PRPF31: variants seen among roughly 807,000 people sequenced by gnomAD.
PRPF31 encodes the protein U4/U6 small nuclear ribonucleoprotein Prp31.
PRPF31 carries 12 observed loss-of-function variants against 60.4 expected under a neutral mutation model. The observed-to-expected ratio is 0.20, with a 90% CI of 0.13 to 0.32. The LOEUF is 0.32. Ranked by LOEUF, PRPF31 falls within the 10% of genes least tolerant of loss-of-function variation. The pLI, the probability that PRPF31 is intolerant of heterozygous loss-of-function variation, is 1.00. For synonymous variants in PRPF31, 287 were observed against 287.9 expected (o/e 1.00, Z 0.03); for missense variants, 431 against 687.1 (o/e 0.63, Z 4.17).
At chr19:54,124,761 A>C in intron 8 of PRPF31, 105 bp downstream of exon 8, 1 of 1,352,308 alleles carries the variant, frequency 7.4e-7, no homozygotes, top group South Asian at 1.2e-5. Context: ...TGACGGTAGC[A>C]CTCAGGAGCT....
At chr19:54,130,123 C>G (rs1191056660) in intron 13 of PRPF31, among the ~76,000 whole-genome samples, 2 of 85,884 alleles carry the variant, frequency 2.3e-5, no homozygotes, top group Admixed American at 2.7e-4. Context: ...AATGCCAGGC[C>G]GGGCGCAGAC....
Position 54,118,276 on chromosome 19 carries a change from G to C in PRPF31, c.-3G>C, listed in dbSNP as rs368185553. 10 of 1,612,748 alleles carry C rather than the reference G, an allele frequency of 6.2e-6. No homozygotes were observed. The highest frequency in any genetic ancestry group is 8.5e-6 in the Non-Finnish European group (10 of 1,179,954). ...ACGCTGCTGTCCCTCCCCAGGCCTC[G>C]GGATGTCTCTGGCAGATGAGCTCTT... On this transcript the variant is annotated 5_prime_UTR_variant, in exon 2 of 14. Transcript: ENST00000321030.
intron 3 of PRPF31, chr19:54,120,294 T>C (rs1312424130): frequency 6.6e-6 from 1 of 151,958 alleles, no homozygotes; most frequent in Non-Finnish European, 1.5e-5. Flanking sequence ...GGCTCAGGGA[T>C]GGAGTCAGAC....
chr19:54,123,668 AC>A, intron 6 of PRPF31, 80 bp from the exon 7 acceptor site: 1 of 1,595,176 alleles, frequency 6.3e-7, no homozygotes, highest in Non-Finnish European at 8.5e-7. Context: ...ATGCACACAC[AC>A]ACACAGAACC....
chr19:54,127,613 CAG>C (rs1485131084), intron 9 of PRPF31, among the ~76,000 whole-genome samples: 2 of 152,188 alleles, frequency 1.3e-5, no homozygotes, highest in African/African-American at 4.8e-5. Context: ...CCCGCTGCAA[CAG>C]GGGATGTTAT....
At chr19:54,127,306 C>T (rs1462562729) in intron 9 of PRPF31, among the ~76,000 whole-genome samples, 1 of 152,084 alleles carries the variant, frequency 6.6e-6, no homozygotes, top group Admixed American at 6.5e-5. Flanking sequence ...TAGCTCGTGG[C>T]CCTCCCTCTG....
rs1196306452 is a variant in PRPF31 at position 54,129,349 on chromosome 19, C to T, written c.1353C>T (p.Ser451=). 1.0e-5 allele frequency: 16 copies of T among 1,600,166 alleles called. No individual in the cohort carries two copies. The highest frequency in any genetic ancestry group is 1.3e-5 in the African/African-American group (1 of 74,270). The change falls in exon 13 of 14, where the codon AGC becomes AGT. Residue 451 remains serine, a synonymous_variant. Coordinates refer to ENST00000321030, the MANE Select transcript of PRPF31 (RefSeq NM_015629.4). The stretch of plus-strand genomic sequence containing the variant: ...ACCGCTCCTCGGGCACGGCCTCCAG[C>T]GTGGCCTTCACCCCACTCCAGGTAC... ...IRDRSSGTAS[S]VAFTPLQGLE...
intron 3 of PRPF31, 165 bp downstream of exon 3, chr19:54,118,798 T>G: frequency 1.5e-6 from 1 of 654,872 alleles, no homozygotes; most frequent in Non-Finnish European, 2.6e-6. Context: ...TAAATATATA[T>G]TGCATTGTAA....
At chr19:54,121,768 C>T in intron 3 of PRPF31, 92 bp from the exon 4 acceptor site, 1 of 1,276,590 alleles carries the variant, frequency 7.8e-7, no homozygotes, top group South Asian at 1.3e-5. Context: ...TTCCTGACCC[C>T]TCCCAACTTC....
chr19:54,129,383 G>C lies in PRPF31; in HGVS notation c.1374+13G>C. 6.3e-7 allele frequency: 1 copy of C among 1,579,438 alleles called. No individual in the cohort carries two copies. The highest frequency in any genetic ancestry group is 8.6e-7 in the Non-Finnish European group (1 of 1,164,290). On this transcript the variant is annotated intron_variant, in intron 13 of 13. Transcript: ENST00000321030. Reference sequence around the variant, plus strand: ...CACCCCACTCCAGGTACCTCCCCTGGGCCGGCTCTGTCCCCAGCCCTGAGA... The same window carrying C: ...CACCCCACTCCAGGTACCTCCCCTGCGCCGGCTCTGTCCCCAGCCCTGAGA...
chr19:54,130,346 C>G (rs1324426613), intron 13 of PRPF31, among the ~76,000 whole-genome samples: 1 of 152,096 alleles, frequency 6.6e-6, no homozygotes, highest in Non-Finnish European at 1.5e-5. Context: ...AAATGCCAGG[C>G]CGGGCGCGGT....
chr19:54,131,208 G>C (rs2074040863), intron 13 of PRPF31, 99 bp from the exon 14 acceptor site: 10 of 1,521,172 alleles, frequency 6.6e-6, no homozygotes, highest in Non-Finnish European at 9.1e-6. Context: ...GCCCACCAAG[G>C]CCTGAGTGCC....
At chr19:54,121,793 C>T (rs2073795544) in intron 3 of PRPF31, 67 bp from the exon 4 acceptor site, 1 of 1,476,652 alleles carries the variant, frequency 6.8e-7, no homozygotes, top group South Asian at 1.2e-5. Context: ...TCCGCCTCCT[C>T]CAGCTGCGGG....
At chr19:54,122,666 C>A in intron 5 of PRPF31, 72 bp downstream of exon 5, 2 of 1,243,256 alleles carry the variant, frequency 1.6e-6, no homozygotes, top group South Asian at 1.2e-5. Flanking sequence ...GGACCCCCTC[C>A]CAGAGGCCTG....
rs771127186 is a variant in PRPF31, at chr19:54,129,229, G to C, written c.1276-43G>C. ...TGGGGCTGGGGACCGAGGGACACAA[G>C]GTGGGGGGAGCCCAGATCGCAGCCT... On this transcript the variant is annotated intron_variant, in intron 12 of 13. Coordinates refer to ENST00000321030, the MANE Select transcript of PRPF31 (RefSeq NM_015629.4). 22 of 1,601,866 alleles carry C rather than the reference G, an allele frequency of 1.4e-5. No homozygotes were observed. The Admixed American group carries it at 3.7e-4, about 27-fold the overall frequency.
chr19:54,127,795 G>A (rs1461858148), intron 9 of PRPF31, among the ~76,000 whole-genome samples: 3 of 152,158 alleles, frequency 2.0e-5, no homozygotes, highest in African/African-American at 7.2e-5. Flanking sequence ...TGGTCTGGGT[G>A]TGGGGGTGCA....
intron 1 of PRPF31, among the ~76,000 whole-genome samples, chr19:54,116,733 A>T (rs1225294858): frequency 6.6e-6 from 1 of 152,238 alleles, no homozygotes; most frequent in Non-Finnish European, 1.5e-5. Flanking sequence ...CCTGTAGTCT[A>T]GAGTGGGGCG....
rs1265516880 is a variant in PRPF31, at chr19:54,131,579, A to G, written c.*147A>G. On this transcript the variant is annotated 3_prime_UTR_variant, in exon 14 of 14. Transcript: ENST00000321030. ...CTGCCCAGGGAGGAGGCCTTGGAAG[A>G]GTCCGGCCTGGCCTCCCCCAGGACC... The G allele has an allele frequency of 5.4e-6, 7 of 1,300,682 alleles. No individual in the cohort carries two copies. Among genetic ancestry groups the G allele is most frequent in the Non-Finnish European group, 7.5e-6 (7 of 928,564 alleles). The allele number at this position is 1,300,682 out of a possible 1,614,324, so 80.6% of individuals were successfully genotyped here. A position where few individuals can be genotyped will look rare whatever the true frequency, so the allele number is the denominator to read the frequency against.
intron 5 of PRPF31, chr19:54,123,253 G>A: frequency 1.6e-6 from 1 of 632,032 alleles, no homozygotes; most frequent in African/African-American, 1.8e-5. Context: ...CGAAAGCAGG[G>A]CAGATGGTGT....
Sources: gnomAD v4.1 joint callset for allele counts (sites outside exome capture counted in the v4.1 genomes callset) on GRCh38, gnomAD v4.1.1 for gene constraint, MANE v1.5 for transcripts, NCBI Gene and HGNC (gene_info 2026-07-23, HGNC 2026-07-21) for gene names.